Variants in FYN observed in about 807,000 individuals in gnomAD.
FYN encodes FYN proto-oncogene, Src family tyrosine kinase, also known as tyrosine-protein kinase Fyn.
FYN carries 10 observed loss-of-function variants against 70.2 expected under a neutral mutation model. The ratio of observed to expected loss-of-function variants is 0.14; its 90% CI spans 0.09 to 0.24. FYN has a LOEUF of 0.24. FYN is among the 10% of genes least tolerant of loss of function. The pLI, the probability that FYN is intolerant of heterozygous loss-of-function variation, is 1.00. For synonymous variants in FYN, 236 were observed against 248.6 expected (o/e 0.95, Z 0.48); for missense variants, 319 against 673.1 (o/e 0.47, Z 5.82).
intron 1 of FYN, among the ~76,000 whole-genome samples, chr6:111,855,955 A>C (rs960665387): frequency 6.6e-6 from 1 of 152,200 alleles, no homozygotes; most frequent in Non-Finnish European, 1.5e-5. Context: ...TAATATCTTG[A>C]CTTGTGGCAA....
intron 3 of FYN, among the ~76,000 whole-genome samples, chr6:111,755,753 A>G (rs984260188): frequency 6.6e-6 from 1 of 152,230 alleles, no homozygotes; most frequent in Non-Finnish European, 1.5e-5. Context: ...TGGGAATTCA[A>G]AATGATGCTG....
At position 111,692,454 on chromosome 6, in the gene FYN, C is replaced by T. The variant is rs529621417; in HGVS notation, c.1273+1921G>A. Among the ~76,000 whole-genome samples the T allele has an allele frequency of 3.3e-5, 5 of 152,170 alleles. No individual in the cohort carries two copies. The South Asian group carries it at 6.2e-4, about 19-fold the overall frequency. On this transcript the variant is annotated intron_variant, in intron 12 of 13. Transcript: ENST00000354650. Reference sequence around the variant, plus strand: ...AGCAGCCTGATGGGAGGGGAACCAGCGAGGGTGCCAATCACCTAGGGCCAC... The same window carrying T: ...AGCAGCCTGATGGGAGGGGAACCAGTGAGGGTGCCAATCACCTAGGGCCAC...
At chr6:111,848,728 TAA>T (rs772854989) in intron 1 of FYN, among the ~76,000 whole-genome samples, 2 of 152,220 alleles carry the variant, frequency 1.3e-5, no homozygotes, top group African/African-American at 4.8e-5. Flanking sequence ...CTATCTAGAA[TAA>T]AGAGTGGCAT....
At chr6:111,772,737 T>C (rs142032941) in intron 3 of FYN, among the ~76,000 whole-genome samples, 5 of 150,764 alleles carry the variant, frequency 3.3e-5, no homozygotes, top group Non-Finnish European at 7.4e-5. Context: ...AGGCACTGTA[T>C]AGCACAGCGA....
chr6:111,785,889 A>G (rs2128509445), intron 2 of FYN, among the ~76,000 whole-genome samples: 1 of 137,774 alleles, frequency 7.3e-6, no homozygotes, highest in East Asian at 2.1e-4. Context: ...TCATTGTTCA[A>G]TTCCCACCTG....
chr6:111,811,628 G>T (rs1276846601), intron 2 of FYN, among the ~76,000 whole-genome samples: 1 of 152,108 alleles, frequency 6.6e-6, no homozygotes. Flanking sequence ...TGAGGGTAGG[G>T]GTGACCTTAC....
chr6:111,765,681 C>T (rs73544123), intron 3 of FYN, among the ~76,000 whole-genome samples: 16,923 of 151,754 alleles, frequency 0.11, 1,564 homozygotes, highest in African/African-American at 0.25. Context: ...AGACACAGTA[C>T]TGGACACAGA....
At chr6:111,717,189 T>G (rs1238638151) in intron 4 of FYN, among the ~76,000 whole-genome samples, 2 of 152,224 alleles carry the variant, frequency 1.3e-5, no homozygotes. Context: ...TAGGACTTGT[T>G]GTTAAACGTC....
intron 12 of FYN, among the ~76,000 whole-genome samples, chr6:111,677,797 C>T (rs1798598298): frequency 6.6e-6 from 1 of 152,178 alleles, no homozygotes; most frequent in African/African-American, 2.4e-5. Flanking sequence ...ATCAGGAGAA[C>T]CGCAATGCAG....
chr6:111,676,749 C>T (rs1470980503), intron 12 of FYN, among the ~76,000 whole-genome samples: 2 of 152,196 alleles, frequency 1.3e-5, no homozygotes, highest in Non-Finnish European at 2.9e-5. Flanking sequence ...CTCTGCTGTG[C>T]AGACAAATCC....
intron 12 of FYN, among the ~76,000 whole-genome samples, chr6:111,693,939 C>T (rs1472109432): frequency 6.6e-6 from 1 of 152,124 alleles, no homozygotes; most frequent in Non-Finnish European, 1.5e-5. Flanking sequence ...CCTTTGAGGC[C>T]TTAGTTCTGT....
chr6:111,807,180 AAC>A (rs1273060242), intron 2 of FYN, among the ~76,000 whole-genome samples: 7 of 152,198 alleles, frequency 4.6e-5, no homozygotes, highest in Non-Finnish European at 7.3e-5. Flanking sequence ...TTTGTAGGAA[AAC>A]AGTGTCTTGT....
At chr6:111,831,459 T>C (rs568223771) in intron 2 of FYN, among the ~76,000 whole-genome samples, 73 of 152,178 alleles carry the variant, frequency 4.8e-4, no homozygotes, top group Non-Finnish European at 9.0e-4. Context: ...AAGTTTAATA[T>C]GTATAGGATT....
At position 111,793,509 on chromosome 6, in the gene FYN, A is replaced by C. The variant is rs535857060; in HGVS notation, c.-81-12874T>G. The stretch of plus-strand genomic sequence containing the variant: ...TGCTCTTCCAGAGTCAGTCCATAAG[A>C]TCGGCTCATTCCTGCCAATGGAAGC... On this transcript the variant is annotated intron_variant, in intron 2 of 13. Transcript: ENST00000354650. 1.8e-4 allele frequency: 27 copies of C among 152,270 alleles called. No homozygotes were observed. The East Asian group carries it at 4.3e-3, about 24-fold the overall frequency. The allele number at this position is 152,270 out of a possible 1,614,324, so 9.4% of individuals were successfully genotyped here. A position where few individuals can be genotyped will look rare whatever the true frequency, so the allele number is the denominator to read the frequency against.
chr6:111,824,377 G>A (rs1054340009), intron 2 of FYN, among the ~76,000 whole-genome samples: 4 of 152,068 alleles, frequency 2.6e-5, no homozygotes, highest in African/African-American at 7.2e-5. Flanking sequence ...TACATTCTCA[G>A]GCATGTGGAA....
intron 12 of FYN, among the ~76,000 whole-genome samples, chr6:111,684,718 G>A (rs1214634752): frequency 6.6e-6 from 1 of 152,136 alleles, no homozygotes; most frequent in Non-Finnish European, 1.5e-5. Context: ...GGTAACTTAT[G>A]GGGGCAACAC....
intron 3 of FYN, among the ~76,000 whole-genome samples, chr6:111,744,835 T>C (rs907210962): frequency 3.3e-5 from 5 of 152,182 alleles, no homozygotes; most frequent in African/African-American, 4.8e-5. Flanking sequence ...ACAATAAATA[T>C]GCTTTTTATA....
At chr6:111,728,368 T>A (rs1464690757) in intron 3 of FYN, among the ~76,000 whole-genome samples, 1 of 152,164 alleles carries the variant, frequency 6.6e-6, no homozygotes, top group African/African-American at 2.4e-5. Context: ...TCATATACCA[T>A]AAAATTCACC....
rs187674178 is a variant in FYN at position 111,796,873 on chromosome 6, G to A, written c.-81-16238C>T. ...GATGATGAGTCAGGATTACTAAACAGAAATTTTTAGTAATTTTATTTAATA... is the reference window on the plus strand; with the variant it reads ...GATGATGAGTCAGGATTACTAAACAAAAATTTTTAGTAATTTTATTTAATA... On this transcript the variant is annotated intron_variant, in intron 2 of 13. Coordinates refer to ENST00000354650, the MANE Select transcript of FYN (RefSeq NM_002037.5). 1.0e-3 allele frequency among the ~76,000 whole-genome samples: 155 copies of A among 152,266 alleles called. 4 individuals carry two copies. The highest frequency in any genetic ancestry group is 1.0e-4 in the Non-Finnish European group (7 of 68,030).
Sources: gnomAD v4.1 joint callset for allele counts (sites outside exome capture counted in the v4.1 genomes callset) on GRCh38, gnomAD v4.1.1 for gene constraint, MANE v1.5 for transcripts, NCBI Gene and HGNC (gene_info 2026-07-23, HGNC 2026-07-21) for gene names.